Variants in LPIN2 observed in about 807,000 individuals in gnomAD.
The protein encoded by LPIN2 is lipin 2, also known as phosphatidate phosphatase LPIN2.
A neutral mutation model predicts 111.4 loss-of-function variants in LPIN2; 55 were observed. The observed-to-expected ratio is 0.49, with a 90% CI of 0.40 to 0.62. The LOEUF (loss-of-function observed/expected upper bound fraction) is 0.62. LPIN2 is among the 20% of genes least tolerant of loss of function. The pLI, the probability that LPIN2 is intolerant of heterozygous loss-of-function variation, is 0.00. For synonymous variants in LPIN2, 425 were observed against 414.0 expected (o/e 1.03, Z -0.32); for missense variants, 992 against 1,112.1 (o/e 0.89, Z 1.54).
chr18:2,968,355 C>A (rs922785129), intron 1 of LPIN2, among the ~76,000 whole-genome samples: 3 of 152,178 alleles, frequency 2.0e-5, no homozygotes, highest in Non-Finnish European at 4.4e-5. Flanking sequence ...ATTATACTGG[C>A]CTGTTTCTGG....
Position 2,937,852 on chromosome 18 carries a change from C to G in LPIN2, c.1008G>C (p.Met336Ile). 2 of 1,614,134 alleles carry G rather than the reference C, an allele frequency of 1.2e-6. No homozygotes were observed. The highest frequency in any genetic ancestry group is 8.5e-7 in the Non-Finnish European group (1 of 1,180,034). The change falls in exon 7 of 20, where the codon ATG becomes ATC. Residue 336 changes from methionine (M) to isoleucine (I), a missense_variant. Met to Ile is a conservative substitution (Grantham distance 10). Coordinates refer to ENST00000677752, the MANE Select transcript of LPIN2 (RefSeq NM_001375808.2). ...KPKPRALGTQMSDPTSVAELL... is the reference protein window; with the variant it reads ...KPKPRALGTQISDPTSVAELL... ...GCTCTGCCACAGATGTTGGGTCGCT[C>G]ATCTGTGTACCCAGGGCTCTGGGTT...
chr18:2,976,302 G>T (rs1458908750), intron 1 of LPIN2, among the ~76,000 whole-genome samples: 1 of 152,154 alleles, frequency 6.6e-6, no homozygotes, highest in South Asian at 2.1e-4. Context: ...CAGCCAGATG[G>T]ACTACCATTG....
At chr18:2,980,258 A>G (rs2078087908) in intron 1 of LPIN2, among the ~76,000 whole-genome samples, 1 of 152,178 alleles carries the variant, frequency 6.6e-6, no homozygotes, top group Non-Finnish European at 1.5e-5. Context: ...TTCTCTGGCT[A>G]ATTATGAGAC....
At chr18:3,008,831 C>T (rs1307883351) in intron 1 of LPIN2, among the ~76,000 whole-genome samples, 5 of 152,014 alleles carry the variant, frequency 3.3e-5, no homozygotes, top group South Asian at 2.1e-4. Context: ...CTGACCTTAG[C>T]CTCCTGAGCA....
chr18:2,942,085 T>C (rs778268290), intron 4 of LPIN2, among the ~76,000 whole-genome samples: 17 of 152,226 alleles, frequency 1.1e-4, no homozygotes, highest in Non-Finnish European at 2.1e-4. Context: ...AAAACCAGGT[T>C]CTTTTTTAAT....
chr18:2,943,568 C>T (rs1364309663), intron 4 of LPIN2, among the ~76,000 whole-genome samples: 1 of 152,160 alleles, frequency 6.6e-6, no homozygotes, highest in Non-Finnish European at 1.5e-5. Flanking sequence ...TAGGGGAAGA[C>T]AGCCTCAGAA....
At chr18:2,967,484 A>T (rs1343626980) in intron 1 of LPIN2, 1 of 152,300 alleles carries the variant, frequency 6.6e-6, no homozygotes, top group Non-Finnish European at 1.5e-5. Context: ...CTCCCCGGTC[A>T]GGGAGGGCAG....
chr18:2,979,315 C>A (rs1432705239), intron 1 of LPIN2, among the ~76,000 whole-genome samples: 1 of 152,192 alleles, frequency 6.6e-6, no homozygotes. Context: ...GGCACTCTAA[C>A]GCACTGAGTA....
chr18:2,960,900 T>C (rs754995065), intron 1 of LPIN2, 51 bp from the exon 2 acceptor site: 175 of 1,449,830 alleles, frequency 1.2e-4, no homozygotes, highest in Non-Finnish European at 1.6e-4. Flanking sequence ...TTGTGATCTA[T>C]TGACAAAGAA....
intron 1 of LPIN2, among the ~76,000 whole-genome samples, chr18:2,980,776 A>G (rs1163101847): frequency 6.6e-6 from 1 of 152,202 alleles, no homozygotes; most frequent in African/African-American, 2.4e-5. Context: ...CTCTCTAACA[A>G]GAATGGTCAG....
At chr18:2,979,481 T>C (rs1206563471) in intron 1 of LPIN2, among the ~76,000 whole-genome samples, 1 of 152,182 alleles carries the variant, frequency 6.6e-6, no homozygotes, top group Non-Finnish European at 1.5e-5. Context: ...AAAAAATTGA[T>C]TTACATGCAT....
chr18:2,991,287 T>C (rs1357789420), intron 1 of LPIN2, among the ~76,000 whole-genome samples: 5 of 152,122 alleles, frequency 3.3e-5, no homozygotes, highest in Non-Finnish European at 2.9e-5. Flanking sequence ...AATATGAAAA[T>C]AAAATTGTCA....
intron 2 of LPIN2, among the ~76,000 whole-genome samples, chr18:2,958,994 T>C (rs750428111): frequency 6.6e-6 from 1 of 151,866 alleles, no homozygotes; most frequent in African/African-American, 2.4e-5. Flanking sequence ...ACACAACTAA[T>C]GGGAAATTTC....
chr18:2,979,399 T>C (rs1441956000), intron 1 of LPIN2, among the ~76,000 whole-genome samples: 1 of 152,186 alleles, frequency 6.6e-6, no homozygotes, highest in African/African-American at 2.4e-5. Context: ...ATTTGCTGGA[T>C]ATCTGCCCAG....
At chr18:2,967,617 A>C (rs1765764338) in intron 1 of LPIN2, 1 of 152,266 alleles carries the variant, frequency 6.6e-6, no homozygotes, top group Admixed American at 6.5e-5. Flanking sequence ...AAAGGAGGTT[A>C]CAACTTAGCT....
In LPIN2 at chr18:2,951,126, T is replaced by C; in HGVS notation, c.519A>G (p.Ala173=). ...CACATGTGTCTTCTGCAGCAGCAGA[T>C]GCGGCCTGCTCTTCCTTCTTACTGT... ...KQDSKKEEQA[A]SAAAEDTCDV... Residue 173 remains alanine, a synonymous_variant, in exon 4 of 20, where the codon GCA becomes GCG. Coordinates refer to ENST00000677752, the MANE Select transcript of LPIN2 (RefSeq NM_001375808.2). 6.2e-7 allele frequency: 1 copy of C among 1,614,184 alleles called. No individual in the cohort carries two copies. Among genetic ancestry groups the C allele is most frequent in the Non-Finnish European group, 8.5e-7 (1 of 1,180,016 alleles).
At chr18:2,921,260 AGAG>A (rs767185296) in intron 18 of LPIN2, 7 of 571,256 alleles carry the variant, frequency 1.2e-5, no homozygotes, top group East Asian at 6.1e-5. Context: ...ACTGCTTAGA[AGAG>A]GAGCCGGAGC....
chr18:2,921,074 A>T, intron 18 of LPIN2, 193 bp from the exon 19 acceptor site: 1 of 633,934 alleles, frequency 1.6e-6, no homozygotes, highest in Admixed American at 2.4e-5. Context: ...AGAGTCAGAA[A>T]ACTTGGGCAG....
At chr18:2,965,645 G>A (rs926396571) in intron 1 of LPIN2, among the ~76,000 whole-genome samples, 8 of 148,324 alleles carry the variant, frequency 5.4e-5, no homozygotes, top group South Asian at 2.1e-4. Context: ...CAGGAGAATC[G>A]CTTGAACCCG....
Sources: allele counts gnomAD v4.1 joint callset (sites outside exome capture counted in the v4.1 genomes callset), GRCh38; gene constraint gnomAD v4.1.1; transcripts MANE v1.5; gene names NCBI Gene and HGNC (gene_info 2026-07-23, HGNC 2026-07-21).